HTR1F: variants seen among roughly 807,000 people sequenced by gnomAD.
The protein encoded by HTR1F is 5-hydroxytryptamine (serotonin) receptor 1F, G protein-coupled.
In HTR1F, 17 loss-of-function variants were observed where a neutral mutation model predicts 24.0. That is an observed-to-expected ratio of 0.71 (90% CI 0.48 to 1.06). The LOEUF (loss-of-function observed/expected upper bound fraction) is 1.06. HTR1F is among the 50% of genes least tolerant of loss of function. HTR1F has a pLI of 0.00. For synonymous variants in HTR1F, 186 were observed against 156.8 expected, an observed-to-expected ratio of 1.19 and a Z score of -1.39; for missense variants, 391 against 427.8, an observed-to-expected ratio of 0.91 and a Z score of 0.76.
chr3:87,924,052 A>C (rs1704070782), intron 2 of HTR1F, among the ~76,000 whole-genome samples: 1 of 152,118 alleles, frequency 6.6e-6, no homozygotes, highest in Non-Finnish European at 1.5e-5. Flanking sequence ...TTTTTGAAAT[A>C]GTTTGAGAAA....
chr3:87,922,607 T>G (rs1704034229), intron 2 of HTR1F, among the ~76,000 whole-genome samples: 1 of 152,032 alleles, frequency 6.6e-6, no homozygotes, highest in Non-Finnish European at 1.5e-5. Context: ...CAGGCCAATG[T>G]CCTGCAGCAT....
chr3:87,871,291 A>G (rs931538506), intron 2 of HTR1F, among the ~76,000 whole-genome samples: 14 of 151,996 alleles, frequency 9.2e-5, no homozygotes, highest in Admixed American at 6.6e-5. Flanking sequence ...GAGGAGTTCA[A>G]CAGCAGACAT....
intron 2 of HTR1F, among the ~76,000 whole-genome samples, chr3:87,876,728 T>G (rs907958108): frequency 2.2e-4 from 33 of 152,226 alleles, no homozygotes; most frequent in African/African-American, 7.0e-4. Flanking sequence ...AGAGTTTCAG[T>G]TTTTCAAGGT....
At chr3:87,958,752 C>A (rs1704999176) in intron 2 of HTR1F, among the ~76,000 whole-genome samples, 1 of 151,608 alleles carries the variant, frequency 6.6e-6, no homozygotes, top group Non-Finnish European at 1.5e-5. Flanking sequence ...GTGATGTAGT[C>A]TCTGTTATTT....
intron 2 of HTR1F, among the ~76,000 whole-genome samples, chr3:87,951,099 G>A (rs368355037): frequency 2.6e-5 from 4 of 151,928 alleles, no homozygotes; most frequent in East Asian, 3.9e-4. Flanking sequence ...GGCAACCTCC[G>A]AAACTTGGAA....
chr3:87,991,154 GACT>G lies in HTR1F; in HGVS notation c.406_408del (p.Thr136del). The G allele has an allele frequency of 6.2e-7, 1 of 1,613,998 alleles. No homozygotes were observed. The highest frequency in any genetic ancestry group is 1.1e-5 in the South Asian group (1 of 91,076). On this transcript the variant is annotated inframe_deletion, in exon 3 of 3. Transcript: ENST00000319595. ...ATGCTGTTGAGTATGCCAGGAAAAG[GACT>G]CCAAAGCATGCTGGCATTATGATTA...
intron 1 of HTR1F, among the ~76,000 whole-genome samples, chr3:87,803,141 A>T (rs1704021154): frequency 6.6e-6 from 1 of 152,200 alleles, no homozygotes; most frequent in African/African-American, 2.4e-5. Context: ...TCTCGAATTC[A>T]TCTGTGAATT....
chr3:87,841,915 AAG>A, intron 2 of HTR1F, among the ~76,000 whole-genome samples: 2 of 116,512 alleles, frequency 1.7e-5, no homozygotes, highest in African/African-American at 5.5e-5. Flanking sequence ...AAAAAAAAAA[AAG>A]AAAAAGAAAA....
intron 1 of HTR1F, among the ~76,000 whole-genome samples, chr3:87,813,265 C>T (rs1704190996): frequency 6.6e-6 from 1 of 152,220 alleles, no homozygotes; most frequent in Non-Finnish European, 1.5e-5. Context: ...GTATTTGAGA[C>T]ATGGAGTCAA....
rs144751514 is a variant in HTR1F at position 87,945,251 on chromosome 3, G to A, written c.-42-45457G>A. Reference sequence around the variant, plus strand: ...GAGAGCTGTACACCTAAATCGGGAGGGACACCAGGGATAAGACTCCCTGGG... The same window carrying A: ...GAGAGCTGTACACCTAAATCGGGAGAGACACCAGGGATAAGACTCCCTGGG... On this transcript the variant is annotated intron_variant, in intron 2 of 2. Transcript: ENST00000319595. 4.9e-3 allele frequency among the ~76,000 whole-genome samples: 741 copies of A among 152,064 alleles called. 8 individuals carry two copies. Among genetic ancestry groups the A allele is most frequent in the African/African-American group, 0.017 (686 of 41,428 alleles).
chr3:87,805,638 A>G (rs1362519640), intron 1 of HTR1F, among the ~76,000 whole-genome samples: 3 of 152,096 alleles, frequency 2.0e-5, no homozygotes, highest in Non-Finnish European at 4.4e-5. Flanking sequence ...TGTTGGGAAC[A>G]TTTCAAATTC....
In HTR1F at chr3:87,946,876, T is replaced by C. The variant is rs183829796; in HGVS notation, c.-42-43832T>C. Reference sequence around the variant, plus strand: ...TCCTGACCTCATGATCTGCCCGCCTTAGCCTCCCAAAGTGCTGGGATTACA... The same window carrying C: ...TCCTGACCTCATGATCTGCCCGCCTCAGCCTCCCAAAGTGCTGGGATTACA... On this transcript the variant is annotated intron_variant, in intron 2 of 2. Coordinates refer to ENST00000319595, the MANE Select transcript of HTR1F (RefSeq NM_001322209.2). Among the ~76,000 whole-genome samples, 17 of 152,050 alleles carry C rather than the reference T, an allele frequency of 1.1e-4. No individual in the cohort carries two copies. The East Asian group carries it at 3.1e-3, about 28-fold the overall frequency.
chr3:87,803,634 G>A lies in HTR1F; in HGVS notation c.-160+10792G>A, dbSNP rs112523940. Among the ~76,000 whole-genome samples, 599 of 152,184 alleles carry A rather than the reference G, an allele frequency of 3.9e-3. 7 individuals carry two copies. Among genetic ancestry groups the A allele is most frequent in the African/African-American group, 0.014 (568 of 41,516 alleles). On this transcript the variant is annotated intron_variant, in intron 1 of 2. Transcript: ENST00000319595. The stretch of plus-strand genomic sequence containing the variant: ...ATAAGATACAAAATATGTACAATTC[G>A]TGTTACAGTAGGGAAGTGCTTTCTC...
chr3:87,930,796 C>T (rs1704244208), intron 2 of HTR1F, among the ~76,000 whole-genome samples: 1 of 152,096 alleles, frequency 6.6e-6, no homozygotes, highest in Non-Finnish European at 1.5e-5. Context: ...TCGCTATATA[C>T]ATATGAGCTA....
intron 2 of HTR1F, among the ~76,000 whole-genome samples, chr3:87,949,896 G>A (rs930954960): frequency 6.6e-6 from 1 of 152,182 alleles, no homozygotes; most frequent in African/African-American, 2.4e-5. Flanking sequence ...TCTAAGGCTT[G>A]GCAACCTATA....
At chr3:87,804,399 A>T (rs760405087) in intron 1 of HTR1F, among the ~76,000 whole-genome samples, 55 of 152,188 alleles carry the variant, frequency 3.6e-4, no homozygotes, top group Non-Finnish European at 4.3e-4. Flanking sequence ...GCAAGAGCTC[A>T]TTGCTCAAAA....
Position 87,991,752 on chromosome 3 carries a change from C to G in HTR1F, c.1003C>G (p.Leu335Val). The G allele has an allele frequency of 1.2e-6, 2 of 1,613,528 alleles. No homozygotes were observed. The highest frequency in any genetic ancestry group is 1.7e-6 in the Non-Finnish European group (2 of 1,179,574). Reference sequence around the variant, plus strand: ...AGAAATGTCCAATTTTTTGGCATGGCTTGGGTATCTCAATTCCCTTATAAA... The same window carrying G: ...AGAAATGTCCAATTTTTTGGCATGGGTTGGGTATCTCAATTCCCTTATAAA... ...SEEMSNFLAWLGYLNSLINPL... is the reference protein window; with the variant it reads ...SEEMSNFLAWVGYLNSLINPL... Residue 335 changes from leucine to valine, a missense_variant, in exon 3 of 3, where the codon CTT becomes GTT. Transcript: ENST00000319595.
chr3:87,970,797 G>T (rs2107495552), intron 2 of HTR1F, among the ~76,000 whole-genome samples: 1 of 152,166 alleles, frequency 6.6e-6, no homozygotes, highest in South Asian at 2.1e-4. Flanking sequence ...CAGCTCCCTA[G>T]TTACCATGTG....
At chr3:87,905,364 G>A (rs1280070499) in intron 2 of HTR1F, among the ~76,000 whole-genome samples, 1 of 151,314 alleles carries the variant, frequency 6.6e-6, no homozygotes, top group Non-Finnish European at 1.5e-5. Context: ...AAAAGAAATT[G>A]GTGCCATTTA....
Sources: allele counts gnomAD v4.1 joint callset (sites outside exome capture counted in the v4.1 genomes callset), GRCh38; gene constraint gnomAD v4.1.1; transcripts MANE v1.5; gene names NCBI Gene and HGNC (gene_info 2026-07-23, HGNC 2026-07-21).